Variants in HMCN1 observed in about 807,000 individuals in gnomAD.
The protein encoded by HMCN1 is hemicentin 1, also known as hemicentin-1.
Under a neutral mutation model 625.9 loss-of-function variants are expected in HMCN1, and 321 were observed. The observed-to-expected ratio is 0.51, with a 90% CI of 0.47 to 0.56. The LOEUF (loss-of-function observed/expected upper bound fraction) is 0.56. HMCN1 is among the 20% of genes least tolerant of loss of function. HMCN1 has a pLI of 0.00. For synonymous variants in HMCN1, 2,425 were observed against 2,417.6 expected, an observed-to-expected ratio of 1.00 and a Z score of -0.09; for missense variants, 6,588 against 6,887.3, an observed-to-expected ratio of 0.96 and a Z score of 1.54.
intron 1 of HMCN1, among the ~76,000 whole-genome samples, chr1:185,843,168 T>C (rs1200095449): frequency 6.6e-6 from 1 of 152,228 alleles, no homozygotes; most frequent in African/African-American, 2.4e-5. Flanking sequence ...AACGTAGGAA[T>C]GATCTCTGCA....
rs969136489 is a variant in HMCN1 at position 186,055,519 on chromosome 1, G to A, written c.6989G>A (p.Gly2330Asp). ...PPPTVTWMKD[G>D]HPLIKAKGVE... ...CCAACAGTGACCTGGATGAAAGATG[G>A]CCACCCCTTGATCAAGGCAAAGGGA... Residue 2330 changes from glycine to aspartate, a missense_variant, in exon 45 of 107, where the codon GGC becomes GAC. Around this residue, in one of 3 missense-constraint regions of HMCN1, gnomAD observed 4,628 missense variants for 4,853.1 expected, o/e 0.95. Transcript: ENST00000271588. 3.1e-6 allele frequency: 5 copies of A among 1,612,768 alleles called. No individual in the cohort carries two copies. The highest frequency in any genetic ancestry group is 4.2e-6 in the Non-Finnish European group (5 of 1,179,274).
intron 4 of HMCN1, among the ~76,000 whole-genome samples, chr1:185,884,019 G>A (rs184126329): frequency 4.6e-5 from 7 of 150,738 alleles, no homozygotes; most frequent in Admixed American, 4.0e-4. Flanking sequence ...ACAGGGAGTG[G>A]GTTACTTGTA....
intron 4 of HMCN1, among the ~76,000 whole-genome samples, chr1:185,881,960 T>C (rs1322193889): frequency 6.6e-6 from 1 of 152,176 alleles, no homozygotes; most frequent in Non-Finnish European, 1.5e-5. Flanking sequence ...CTTCCTCTTT[T>C]AGATGGGGCC....
intron 14 of HMCN1, among the ~76,000 whole-genome samples, chr1:185,969,881 ATCT>A (rs1271709697): frequency 1.3e-5 from 2 of 152,182 alleles, no homozygotes; most frequent in East Asian, 3.9e-4. Context: ...TTGTTGAGAC[ATCT>A]TCTGCCTTCA....
chr1:185,767,007 T>A lies in HMCN1; in HGVS notation c.268+31960T>A. Among the ~76,000 whole-genome samples the A allele has an allele frequency of 2.1e-5, 3 of 140,836 alleles. No individual in the cohort carries two copies. In the Middle Eastern group the frequency reaches 0.01, roughly 486 times the overall value. The allele number at this position is 140,836 out of a possible 152,430, so 92.4% of individuals were successfully genotyped here. A position where few individuals can be genotyped will look rare whatever the true frequency, so the allele number is the denominator to read the frequency against. On this transcript the variant is annotated intron_variant, in intron 1 of 106. Coordinates refer to ENST00000271588, the MANE Select transcript of HMCN1 (RefSeq NM_031935.3). ...GAGGAAAAAATAGAATTCAGAGAAA[T>A]CATTAAAAAAAAAAAAGGAATTAAA...
intron 11 of HMCN1, among the ~76,000 whole-genome samples, chr1:185,944,861 AGT>A (rs1668257630): frequency 6.6e-6 from 1 of 152,236 alleles, no homozygotes; most frequent in South Asian, 2.1e-4. Context: ...TGAGAAGCAG[AGT>A]GTTTAGGCGT....
chr1:185,853,802 A>G (rs1662303864), intron 2 of HMCN1, among the ~76,000 whole-genome samples: 1 of 152,172 alleles, frequency 6.6e-6, no homozygotes, highest in Non-Finnish European at 1.5e-5. Context: ...TATACAGGTG[A>G]TTAGAGTGGG....
intron 1 of HMCN1, among the ~76,000 whole-genome samples, chr1:185,750,832 AT>A (rs1234992049): frequency 1.4e-5 from 2 of 147,748 alleles, no homozygotes; most frequent in African/African-American, 2.5e-5. Context: ...TTAAAATTCT[AT>A]TTTCCCCCCC....
At chr1:186,026,678 A>G (rs1571737590) in intron 36 of HMCN1, among the ~76,000 whole-genome samples, 2 of 151,992 alleles carry the variant, frequency 1.3e-5, no homozygotes, top group East Asian at 1.9e-4. Context: ...CTGTCACCCA[A>G]GTTGGAGTGC....
At chr1:186,095,207 G>A in intron 67 of HMCN1, 36 bp from the exon 68 acceptor site, 3 of 1,603,596 alleles carry the variant, frequency 1.9e-6, no homozygotes, top group Middle Eastern at 3.3e-4. Flanking sequence ...AATTACAATA[G>A]ACATCCAAAT....
rs1021127341 is a variant in HMCN1, at chr1:185,933,542, C to G, written c.1553-7C>G. The G allele has an allele frequency of 3.2e-5, 52 of 1,613,642 alleles. No homozygotes were observed. Among genetic ancestry groups the G allele is most frequent in the Non-Finnish European group, 3.9e-5 (46 of 1,179,818 alleles). On this transcript the variant is annotated splice_region_variant and splice_polypyrimidine_tract_variant and intron_variant, in intron 10 of 106. Coordinates refer to ENST00000271588, the MANE Select transcript of HMCN1 (RefSeq NM_031935.3). ...TCTCTTGATTTGAATTTTTTGATTT[C>G]ACACAGAGCCCCCTCCGGTCATCCA...
At chr1:185,737,746 A>G (rs1188642898) in intron 1 of HMCN1, among the ~76,000 whole-genome samples, 1 of 152,182 alleles carries the variant, frequency 6.6e-6, no homozygotes, top group African/African-American at 2.4e-5. Flanking sequence ...CATCTATCGC[A>G]TTTAGCTAGA....
rs552961365 is a variant in HMCN1, at chr1:186,133,991, A to G, written c.13312+1582A>G. On this transcript the variant is annotated intron_variant, in intron 86 of 106. Transcript: ENST00000271588. ...ATATAATATGCCACATTTTCCAAATAAATGTTGAGTGAACGTAGGTAGAAC... is the reference window on the plus strand; with the variant it reads ...ATATAATATGCCACATTTTCCAAATGAATGTTGAGTGAACGTAGGTAGAAC... Among the ~76,000 whole-genome samples, 4 of 152,296 alleles carry G rather than the reference A, an allele frequency of 2.6e-5. No homozygotes were observed. The South Asian group carries it at 8.3e-4, about 32-fold the overall frequency.
Position 186,074,758 on chromosome 1 carries a change from T to C in HMCN1, c.8157T>C (p.Asp2719=). Residue 2719 remains aspartate, a synonymous_variant, in exon 53 of 107, where the codon GAT becomes GAC. Transcript: ENST00000271588. ...AATCACAGCCCCTTAAATCCGATGA[T>C]CATGTTAATATTGCTGCGAATGGAC... ...YKDGQPLKSD[D]HVNIAANGHT... 6.2e-7 allele frequency: 1 copy of C among 1,612,970 alleles called. No individual in the cohort carries two copies. Among genetic ancestry groups the C allele is most frequent in the African/African-American group, 1.3e-5 (1 of 74,986 alleles).
chr1:185,877,557 A>G (rs1345275590), intron 4 of HMCN1, among the ~76,000 whole-genome samples: 1 of 151,652 alleles, frequency 6.6e-6, no homozygotes, highest in African/African-American at 2.4e-5. Context: ...TCTGGGCATT[A>G]TGGGCATTTT....
intron 30 of HMCN1, among the ~76,000 whole-genome samples, chr1:186,008,877 C>A (rs1203603361): frequency 6.6e-6 from 1 of 152,098 alleles, no homozygotes; most frequent in Non-Finnish European, 1.5e-5. Context: ...CTTTCCAAAT[C>A]TCCCTTTTTA....
intron 41 of HMCN1, among the ~76,000 whole-genome samples, chr1:186,047,344 A>G (rs1571774254): frequency 1.3e-5 from 2 of 152,286 alleles, no homozygotes; most frequent in East Asian, 3.9e-4. Context: ...AAGTTCTCAA[A>G]CCTTAACTCT....
At chr1:185,787,313 C>G (rs1001674586) in intron 1 of HMCN1, among the ~76,000 whole-genome samples, 1 of 152,178 alleles carries the variant, frequency 6.6e-6, no homozygotes, top group Non-Finnish European at 1.5e-5. Flanking sequence ...GAATGCCCTT[C>G]ATAAGCTGCT....
intron 49 of HMCN1, among the ~76,000 whole-genome samples, chr1:186,066,271 A>G (rs1658104565): frequency 6.6e-6 from 1 of 152,016 alleles, no homozygotes. Context: ...ATCTGGTATT[A>G]TATATATGTT....
Sources: gnomAD v4.1 joint callset for allele counts (sites outside exome capture counted in the v4.1 genomes callset) on GRCh38, gnomAD v4.1.1 for gene constraint, gnomAD v4.1.1 regional missense constraint, MANE v1.5 for transcripts, NCBI Gene and HGNC (gene_info 2026-07-23, HGNC 2026-07-21) for gene names.